The following PARP14 variants were observed in gnomAD, a reference collection of about 807,000 sequenced individuals.
PARP14 encodes poly(ADP-ribose) polymerase family member 14.
PARP14 carries 59 observed loss-of-function variants against 154.2 expected under a neutral mutation model. That is an observed-to-expected ratio of 0.38 (90% CI 0.31 to 0.48). The LOEUF is 0.48. Ranked by LOEUF, PARP14 falls within the 20% of genes least tolerant of loss-of-function variation. The pLI is 0.98. For missense variants in PARP14, 1,734 were observed against 2,131.6 expected, an observed-to-expected ratio of 0.81 and a Z score of 3.67; for synonymous variants, 720 against 780.5, an observed-to-expected ratio of 0.92 and a Z score of 1.29.
chr3:122,713,327 GAGGGA>G, intron 9 of PARP14, 92 bp from the exon 10 acceptor site: 1 of 914,268 alleles, frequency 1.1e-6, no homozygotes, highest in East Asian at 2.6e-5. Context: ...AAGAGAGGGA[GAGGGA>G]AGACATCCAA....
In PARP14 at chr3:122,720,340, G is replaced by A. The variant is rs371804973; in HGVS notation, c.4893G>A (p.Thr1631=). 82 of 1,612,880 alleles carry A rather than the reference G, an allele frequency of 5.1e-5. No individual in the cohort carries two copies. The South Asian group carries it at 5.7e-4, about 11-fold the overall frequency. ...TGCCTAGTGATCCTGAGTACAACAC[G>A]GTGGCAAGCAAGTTTAATCAGACCT... ...ELLPSDPEYN[T]VASKFNQTCS... Residue 1631 remains threonine (T), a synonymous_variant, in exon 15 of 17, where the codon ACG becomes ACA. Coordinates refer to ENST00000474629, the MANE Select transcript of PARP14 (RefSeq NM_017554.3).
intron 15 of PARP14, among the ~76,000 whole-genome samples, chr3:122,724,186 G>A (rs1209378651): frequency 6.6e-6 from 1 of 152,150 alleles, no homozygotes; most frequent in African/African-American, 2.4e-5. Flanking sequence ...AGTGGGGAAT[G>A]GTAGTGAGAA....
At chr3:122,698,454 CAGG>C (rs1938849945) in intron 5 of PARP14, among the ~76,000 whole-genome samples, 2 of 152,074 alleles carry the variant, frequency 1.3e-5, no homozygotes, top group Admixed American at 1.3e-4. Context: ...CCAGCAGGGC[CAGG>C]AGGAGGTGTG....
intron 9 of PARP14, among the ~76,000 whole-genome samples, chr3:122,711,628 C>G (rs1201028960): frequency 1.3e-5 from 2 of 151,996 alleles, no homozygotes; most frequent in African/African-American, 4.8e-5. Flanking sequence ...TCTTCTTTCT[C>G]TATCTTTTGG....
In PARP14 at chr3:122,703,847, G is replaced by A. The variant is rs751235147; in HGVS notation, c.3187G>A (p.Asp1063Asn). The A allele has an allele frequency of 2.5e-6, 4 of 1,613,862 alleles. No individual in the cohort carries two copies. The African/African-American group carries it at 5.3e-5, about 22-fold the overall frequency. The change falls in exon 7 of 17, where the codon GAC (aspartate) becomes AAC (asparagine). Residue 1063 changes from aspartate (D) to asparagine (N), a missense_variant. This residue lies in a region of PARP14 where 1,646 missense variants were observed against 1,976.0 expected (regional missense o/e 0.83). Transcript: ENST00000474629. ...TGGACCAGAGCTCCAGGAGGAATTG[G>A]ACACAGTTGGACAAGGGGTGGCTGT... ...KAGPELQEEL[D>N]TVGQGVAVSM...
Position 122,681,177 on chromosome 3 carries a change from G to A in PARP14, c.187+107G>A. On this transcript the variant is annotated intron_variant, in intron 1 of 16. Coordinates refer to ENST00000474629, the MANE Select transcript of PARP14 (RefSeq NM_017554.3). The surrounding 1 kb of genome is among the most constrained non-coding windows in gnomAD (Gnocchi z 5.5). ...GGTGACCCGCCCGACTTCGGCGGCT[G>A]CTGTAGCGGAGGTGGCCGGGGCGGG... 1 of 599,414 alleles carries A rather than the reference G, an allele frequency of 1.7e-6. No individual in the cohort carries two copies. 37.1% of individuals were successfully genotyped at this position (599,414 alleles called of 1,614,324 possible). A position where few individuals can be genotyped will look rare whatever the true frequency, so the allele number is the denominator to read the frequency against.
Position 122,700,205 on chromosome 3 carries a change from T to G in PARP14, c.1651T>G (p.Trp551Gly). ...EIFQFLQQVN[W>G]KEFSKCLFIA... ...TTTTCAGTTTTTGCAACAGGTAAAC[T>G]GGAAAGAATTCTCTAAGTGTCTTTT... is the stretch of plus-strand genomic sequence containing the variant. Residue 551 changes from tryptophan (W) to glycine (G), a missense_variant, in exon 6 of 17, where the codon TGG becomes GGG. By Grantham distance (184) the Trp-to-Gly change is radical. Around this residue, in one of 2 missense-constraint regions of PARP14, gnomAD observed 1,646 missense variants for 1,976.0 expected, o/e 0.83. Transcript: ENST00000474629. 1 of 1,611,932 alleles carries G rather than the reference T, an allele frequency of 6.2e-7. No individual in the cohort carries two copies. Among genetic ancestry groups the G allele is most frequent in the Non-Finnish European group, 8.5e-7 (1 of 1,178,722 alleles).
chr3:122,718,739 T>A lies in PARP14; in HGVS notation c.4588T>A (p.Cys1530Ser). ...CAAAGAACAGGAATCCCGGGCAGAT[T>A]GTATCAGTGAGTTTATAGAATGGCA... ...LAKEQESRAD[C>S]ISEFIEWQYN... The change falls in exon 14 of 17, where the codon TGT (cysteine) becomes AGT (serine). Residue 1530 changes from cysteine (C) to serine (S), a missense_variant. By Grantham distance (112) the Cys-to-Ser change is moderately radical. Coordinates refer to ENST00000474629, the MANE Select transcript of PARP14 (RefSeq NM_017554.3). 1 of 1,613,340 alleles carries A rather than the reference T, an allele frequency of 6.2e-7. No individual in the cohort carries two copies. Among genetic ancestry groups the A allele is most frequent in the Non-Finnish European group, 8.5e-7 (1 of 1,179,558 alleles).
Position 122,728,547 on chromosome 3 carries a change from T to C in PARP14, c.5356T>C (p.Phe1786Leu). 1 of 1,613,778 alleles carries C rather than the reference T, an allele frequency of 6.2e-7. No homozygotes were observed. The highest frequency in any genetic ancestry group is 8.5e-7 in the Non-Finnish European group (1 of 1,179,682). Reference sequence around the variant, plus strand: ...GCACCATCCAAGTTTATTTGTGGCATTTTATGACTACCAAGCATACCCAGA... The same window carrying C: ...GCACCATCCAAGTTTATTTGTGGCACTTTATGACTACCAAGCATACCCAGA... ...NVHHPSLFVA[F>L]YDYQAYPEYL... The change falls in exon 17 of 17, where the codon TTT (phenylalanine) becomes CTT (leucine). Residue 1786 changes from phenylalanine to leucine, a missense_variant. This residue lies in a region of PARP14 where 88 missense variants were observed against 155.6 expected (regional missense o/e 0.57). Coordinates refer to ENST00000474629, the MANE Select transcript of PARP14 (RefSeq NM_017554.3).
rs1434118456 is a variant in PARP14 at position 122,714,387 on chromosome 3, A to G, written c.3958A>G (p.Lys1320Glu). The change falls in exon 12 of 17, where the codon AAA (lysine) becomes GAA (glutamate). Residue 1320 changes from lysine to glutamate, a missense_variant. Coordinates refer to ENST00000474629, the MANE Select transcript of PARP14 (RefSeq NM_017554.3). The stretch of plus-strand genomic sequence containing the variant: ...TTCCTCTGTTTTGCAGGAGTGTGAA[A>G]AAAAAAATTACTCATCCATTTGCCT... ...SVSSVLQECEKKNYSSICLPA... is the reference protein window; with the variant it reads ...SVSSVLQECEEKNYSSICLPA... 6.3e-7 allele frequency: 1 copy of G among 1,583,326 alleles called. No homozygotes were observed. Among genetic ancestry groups the G allele is most frequent in the South Asian group, 1.2e-5 (1 of 85,626 alleles).
At chr3:122,695,722 T>G (rs761704863) in intron 5 of PARP14, 60 bp downstream of exon 5, 1 of 755,470 alleles carries the variant, frequency 1.3e-6, no homozygotes. Flanking sequence ...CAGAGCTTAA[T>G]AGTTATAAAT....
At chr3:122,713,616 G>A (rs774395189) in intron 10 of PARP14, 43 bp downstream of exon 10, 12 of 1,566,474 alleles carry the variant, frequency 7.7e-6, no homozygotes, top group African/African-American at 1.4e-5. Flanking sequence ...AATGGTAGAT[G>A]CTATGAAGGA....
chr3:122,720,970 C>A, intron 15 of PARP14: 1 of 333,354 alleles, frequency 3.0e-6, no homozygotes, highest in Non-Finnish European at 6.0e-6. Context: ...ATTTTGGCAT[C>A]TTCTTCCATT....
At chr3:122,705,980 C>T (rs1235614182) in intron 8 of PARP14, among the ~76,000 whole-genome samples, 1 of 152,208 alleles carries the variant, frequency 6.6e-6, no homozygotes, top group East Asian at 1.9e-4. Flanking sequence ...AGGAATAGCA[C>T]ATACTTTCCC....
chr3:122,694,892 G>A (rs900059743), intron 4 of PARP14, among the ~76,000 whole-genome samples: 2 of 151,962 alleles, frequency 1.3e-5, no homozygotes, highest in African/African-American at 4.8e-5. Flanking sequence ...AACTAGAGAA[G>A]AGCATTCCAA....
Position 122,726,292 on chromosome 3 carries a change from TCA to T in PARP14, c.4942-1519_4942-1518del, listed in dbSNP as rs549206684. On this transcript the variant is annotated intron_variant, in intron 15 of 16. Coordinates refer to ENST00000474629, the MANE Select transcript of PARP14 (RefSeq NM_017554.3). ...GCAGATCTGGTAGTGATGAATTCTCTCAGTTTTTATTTATCTGAAAACGTCTC... is the reference window on the plus strand; with the variant it reads ...GCAGATCTGGTAGTGATGAATTCTCTGTTTTTATTTATCTGAAAACGTCTC... Among the ~76,000 whole-genome samples, 363 of 152,362 alleles carry T rather than the reference TCA, an allele frequency of 2.4e-3. 2 individuals carry two copies. The highest frequency in any genetic ancestry group is 8.0e-3 in the African/African-American group (331 of 41,586).
Position 122,729,328 on chromosome 3 carries a change from G to C in PARP14, c.*731G>C, listed in dbSNP as rs113339767. 568 of 152,698 alleles carry C rather than the reference G, an allele frequency of 3.7e-3. 4 individuals carry two copies. Among genetic ancestry groups the C allele is most frequent in the Non-Finnish European group, 5.6e-3 (382 of 68,410 alleles). 9.5% of individuals were successfully genotyped at this position (152,698 alleles called of 1,614,324 possible). On this transcript the variant is annotated 3_prime_UTR_variant, in exon 17 of 17. Transcript: ENST00000474629. ...GCGCTCTGCACGGTCCAGGAGCTGT[G>C]ATGTGGCTGTGGTCTAGGGGAATCC... is the stretch of plus-strand genomic sequence containing the variant.
At chr3:122,711,731 A>AT (rs1022806096) in intron 9 of PARP14, among the ~76,000 whole-genome samples, 3 of 151,734 alleles carry the variant, frequency 2.0e-5, no homozygotes, top group African/African-American at 4.8e-5. Context: ...GTTGTTGGCA[A>AT]TTTTTTTTAA....
intron 3 of PARP14, among the ~76,000 whole-genome samples, chr3:122,691,708 G>A (rs545903331): frequency 6.6e-6 from 1 of 152,262 alleles, no homozygotes; most frequent in South Asian, 2.1e-4. Context: ...ATAAACATGT[G>A]TCTCGCTTTT....
Sources: allele counts gnomAD v4.1 joint callset (sites outside exome capture counted in the v4.1 genomes callset), GRCh38; gene constraint gnomAD v4.1.1; regional missense constraint gnomAD v4.1.1; non-coding constraint Gnocchi (gnomAD v3.1); transcripts MANE v1.5; gene names NCBI Gene and HGNC (gene_info 2026-07-23, HGNC 2026-07-21).